Variants in TMTC2 observed in about 807,000 individuals in gnomAD.
TMTC2 encodes the protein protein O-mannosyl-transferase TMTC2.
TMTC2 carries 43 observed loss-of-function variants against 82.4 expected under a neutral mutation model. The observed-to-expected ratio is 0.52, with a 90% CI of 0.41 to 0.67. The LOEUF (loss-of-function observed/expected upper bound fraction) is 0.67. Ranked by LOEUF, TMTC2 falls within the 30% of genes least tolerant of loss-of-function variation. The probability of loss-of-function intolerance (pLI) is 0.00; values close to 1 mark genes in which losing one functional copy is unlikely to be tolerated. For synonymous variants in TMTC2, 408 were observed against 381.9 expected (o/e 1.07, Z -0.80); for missense variants, 919 against 1,012.4 (o/e 0.91, Z 1.25).
chr12:82,697,067 C>T (rs534268256), intron 1 of TMTC2, among the ~76,000 whole-genome samples: 9 of 151,286 alleles, frequency 5.9e-5, no homozygotes, highest in Non-Finnish European at 7.4e-5. Flanking sequence ...AGATTTTGGC[C>T]GGGCGCAGTG....
At chr12:82,955,248 C>T (rs1456373195) in intron 4 of TMTC2, among the ~76,000 whole-genome samples, 1 of 152,148 alleles carries the variant, frequency 6.6e-6, no homozygotes, top group Non-Finnish European at 1.5e-5. Flanking sequence ...CCAGACATTG[C>T]CAAATATCCC....
intron 1 of TMTC2, among the ~76,000 whole-genome samples, chr12:82,836,618 T>A (rs980407352): frequency 2.0e-5 from 3 of 152,158 alleles, no homozygotes; most frequent in Non-Finnish European, 2.9e-5. Flanking sequence ...TTTAGACCAC[T>A]GAAACCCATT....
At chr12:82,953,034 C>T (rs941910052) in intron 4 of TMTC2, among the ~76,000 whole-genome samples, 19 of 152,120 alleles carry the variant, frequency 1.2e-4, no homozygotes, top group Non-Finnish European at 2.9e-5. Context: ...ATGTGCAGTC[C>T]TTGCTGGTTG....
At chr12:82,708,055 T>A (rs1873450124) in intron 1 of TMTC2, among the ~76,000 whole-genome samples, 1 of 152,176 alleles carries the variant, frequency 6.6e-6, no homozygotes, top group Non-Finnish European at 1.5e-5. Flanking sequence ...CAGTCTGTTT[T>A]TTTAAACCAG....
chr12:82,757,694 C>G (rs1182657501), intron 1 of TMTC2, among the ~76,000 whole-genome samples: 3 of 152,202 alleles, frequency 2.0e-5, no homozygotes, highest in Non-Finnish European at 4.4e-5. Context: ...TCTTTGGCAT[C>G]AAGTGTTGAT....
At position 82,915,832 on chromosome 12, in the gene TMTC2, G is replaced by A. The variant is rs140093951; in HGVS notation, c.1484-14599G>A. On this transcript the variant is annotated intron_variant, in intron 3 of 11. Transcript: ENST00000321196. ...CCTGATACAAACTCAGAGGCAACTT[G>A]TACTCTTTGGGATTTACCATAAATC... Among the ~76,000 whole-genome samples, 60 of 152,308 alleles carry A rather than the reference G, an allele frequency of 3.9e-4. 1 individual carries two copies. The highest frequency in any genetic ancestry group is 1.4e-3 in the African/African-American group (57 of 41,570).
chr12:82,730,017 G>T (rs957742277), intron 1 of TMTC2, among the ~76,000 whole-genome samples: 2 of 152,096 alleles, frequency 1.3e-5, no homozygotes, highest in African/African-American at 4.8e-5. Flanking sequence ...CCCACCAGAA[G>T]GAGGAAGCTC....
At chr12:83,041,424 T>G (rs1881891900) in intron 9 of TMTC2, among the ~76,000 whole-genome samples, 1 of 152,202 alleles carries the variant, frequency 6.6e-6, no homozygotes, top group South Asian at 2.1e-4. Context: ...AAGGATTTAT[T>G]TACGGTTTTA....
chr12:83,082,140 T>C (rs1883493697), intron 11 of TMTC2, among the ~76,000 whole-genome samples: 1 of 152,244 alleles, frequency 6.6e-6, no homozygotes, highest in South Asian at 2.1e-4. Flanking sequence ...AGCTGCTGAA[T>C]ATGATGATGT....
At chr12:82,812,458 G>A (rs1868451983) in intron 1 of TMTC2, among the ~76,000 whole-genome samples, 1 of 152,066 alleles carries the variant, frequency 6.6e-6, no homozygotes, top group African/African-American at 2.4e-5. Flanking sequence ...AGCATCAACT[G>A]ACTTAGCCAA....
chr12:82,973,770 GT>G (rs1878551529), intron 7 of TMTC2, among the ~76,000 whole-genome samples: 1 of 152,144 alleles, frequency 6.6e-6, no homozygotes, highest in Admixed American at 6.5e-5. Context: ...CCTACGGGGA[GT>G]CTGAACACTT....
chr12:82,944,981 T>C (rs1273950645), intron 4 of TMTC2, among the ~76,000 whole-genome samples: 1 of 152,208 alleles, frequency 6.6e-6, no homozygotes, highest in East Asian at 1.9e-4. Flanking sequence ...TATGTATTTG[T>C]TTCTATCACA....
chr12:82,951,583 A>C (rs1877348878), intron 4 of TMTC2, among the ~76,000 whole-genome samples: 1 of 152,198 alleles, frequency 6.6e-6, no homozygotes, highest in Admixed American at 6.5e-5. Context: ...GGCCTCCCAA[A>C]GTGCTAAGAT....
chr12:82,805,648 T>C (rs1592536187), intron 1 of TMTC2, among the ~76,000 whole-genome samples: 1 of 151,526 alleles, frequency 6.6e-6, no homozygotes, highest in African/African-American at 2.4e-5. Context: ...GCTGGGACTA[T>C]AGGCACCTGG....
At chr12:82,744,962 G>T (rs1246307745) in intron 1 of TMTC2, among the ~76,000 whole-genome samples, 1 of 152,088 alleles carries the variant, frequency 6.6e-6, no homozygotes, top group Non-Finnish European at 1.5e-5. Context: ...GTTTTATTTG[G>T]GGGGAGGATT....
At chr12:82,892,163 C>T (rs905977492) in intron 2 of TMTC2, among the ~76,000 whole-genome samples, 4 of 152,088 alleles carry the variant, frequency 2.6e-5, no homozygotes, top group Non-Finnish European at 5.9e-5. Context: ...ACTTCAGAAC[C>T]GTAGTATCTT....
intron 8 of TMTC2, among the ~76,000 whole-genome samples, chr12:83,013,631 C>A (rs1880552640): frequency 1.3e-5 from 2 of 152,076 alleles, no homozygotes; most frequent in South Asian, 4.1e-4. Flanking sequence ...TCATCTGTAG[C>A]CATTTAATTT....
chr12:82,852,713 C>T (rs1035545732), intron 1 of TMTC2, among the ~76,000 whole-genome samples: 1 of 152,144 alleles, frequency 6.6e-6, no homozygotes, highest in Non-Finnish European at 1.5e-5. Context: ...GAATCAAAAT[C>T]TATTATGCTT....
intron 4 of TMTC2, among the ~76,000 whole-genome samples, chr12:82,935,437 G>A (rs1876264927): frequency 1.3e-5 from 2 of 152,082 alleles, no homozygotes; most frequent in Non-Finnish European, 2.9e-5. Context: ...TTTGCATTAT[G>A]ATGTTGATTT....
Sources: gnomAD v4.1 joint callset for allele counts (sites outside exome capture counted in the v4.1 genomes callset) on GRCh38, gnomAD v4.1.1 for gene constraint, MANE v1.5 for transcripts, NCBI Gene and HGNC (gene_info 2026-07-23, HGNC 2026-07-21) for gene names.